The following PARP12 variants were observed in gnomAD, a reference collection of about 807,000 sequenced individuals.
The protein encoded by PARP12 is protein mono-ADP-ribosyltransferase PARP12.
A neutral mutation model predicts 72.4 loss-of-function variants in PARP12; 59 were observed. That is an observed-to-expected ratio of 0.81 (90% confidence interval 0.66 to 1.01). The LOEUF (loss-of-function observed/expected upper bound fraction) is 1.01. PARP12 is among the 50% of genes least tolerant of loss of function. The probability of loss-of-function intolerance (pLI) is 0.00; values close to 1 mark genes in which losing one functional copy is unlikely to be tolerated. For synonymous variants in PARP12, 403 were observed against 371.4 expected (o/e 1.09, Z -0.98); for missense variants, 851 against 914.0 (o/e 0.93, Z 0.89).
At chr7:140,037,595 C>T (rs1238922212) in intron 7 of PARP12, 120 bp downstream of exon 7, 6 of 1,429,482 alleles carry the variant, frequency 4.2e-6, no homozygotes, top group Non-Finnish European at 5.7e-6. Context: ...TGGTACCTTG[C>T]TTTTCTTTCC....
intron 1 of PARP12, among the ~76,000 whole-genome samples, 175 bp downstream of exon 1, chr7:140,062,347 G>A (rs935387165): frequency 6.6e-6 from 1 of 152,158 alleles, no homozygotes; most frequent in Non-Finnish European, 1.5e-5. Context: ...CTCGCACTGT[G>A]CCAGGTACTC....
Position 140,039,127 on chromosome 7 carries a change from T to C in PARP12, c.1183-1271A>G, listed in dbSNP as rs146746084. 6.9e-3 allele frequency among the ~76,000 whole-genome samples: 1,047 copies of C among 152,314 alleles called. 14 individuals carry two copies. Among genetic ancestry groups the C allele is most frequent in the African/African-American group, 0.024 (1,004 of 41,562 alleles). On this transcript the variant is annotated intron_variant, in intron 6 of 11. Transcript: ENST00000263549. Reference sequence around the variant, plus strand: ...AGCAGCCTCCTAGTTTACGGTCTCATAGCGGCGCCTAAGTTTCTCTCTCTG... The same window carrying C: ...AGCAGCCTCCTAGTTTACGGTCTCACAGCGGCGCCTAAGTTTCTCTCTCTG...
At chr7:140,042,105 T>C (rs1352413305) in intron 5 of PARP12, among the ~76,000 whole-genome samples, 1 of 152,178 alleles carries the variant, frequency 6.6e-6, no homozygotes, top group Non-Finnish European at 1.5e-5. Flanking sequence ...TCATTCTTTT[T>C]TAAAATTCAC....
rs971581197 is a variant in PARP12, at chr7:140,034,209, G to A, written c.1421+26C>T. 17 of 1,606,664 alleles carry A rather than the reference G, an allele frequency of 1.1e-5. No individual in the cohort carries two copies. The Admixed American group carries it at 1.3e-4, about 13-fold the overall frequency. On this transcript the variant is annotated intron_variant, in intron 8 of 11. Coordinates refer to ENST00000263549, the MANE Select transcript of PARP12 (RefSeq NM_022750.4). ...CACACCCCAGCTGATTACATCCTAA[G>A]TACCAAGCCCCCCACTGCAACCTAC... is the stretch of plus-strand genomic sequence containing the variant.
intron 8 of PARP12, among the ~76,000 whole-genome samples, chr7:140,032,421 T>C (rs1400215121): frequency 6.6e-6 from 1 of 151,788 alleles, no homozygotes; most frequent in Non-Finnish European, 1.5e-5. Flanking sequence ...AAGCGATCCT[T>C]CCATCTTGGC....
At chr7:140,037,985 A>G in intron 6 of PARP12, 129 bp from the exon 7 acceptor site, 2 of 1,459,992 alleles carry the variant, frequency 1.4e-6, no homozygotes, top group Admixed American at 4.8e-5. Context: ...GATGGAGGCC[A>G]GGGAGCATGG....
intron 5 of PARP12, 69 bp downstream of exon 5, chr7:140,046,799 AGTGTGTGTGTGTGTGT>A (rs3216987): frequency 1.8e-5 from 16 of 868,818 alleles, no homozygotes; most frequent in Admixed American, 1.2e-4. Flanking sequence ...GGCTGCTCAC[AGTGTGTGTGTGTGTGT>A]GTGTGTGTGT....
chr7:140,054,219 C>A lies in PARP12; in HGVS notation c.862+443G>T, dbSNP rs370339644. Among the ~76,000 whole-genome samples, 131 of 152,126 alleles carry A rather than the reference C, an allele frequency of 8.6e-4. 1 individual carries two copies. Among genetic ancestry groups the A allele is most frequent in the African/African-American group, 2.7e-3 (112 of 41,528 alleles). On this transcript the variant is annotated intron_variant, in intron 4 of 11. Coordinates refer to ENST00000263549, the MANE Select transcript of PARP12 (RefSeq NM_022750.4). ...TCACTGGATCAATACAGAAAAAAAA[C>A]CCCAATTTAAACAACTACTCATCCT...
chr7:140,047,477 G>GACAA (rs1478422085), intron 4 of PARP12, among the ~76,000 whole-genome samples: 1 of 152,190 alleles, frequency 6.6e-6, no homozygotes. Context: ...GCAGGCCCTT[G>GACAA]ACAACCTGGA....
chr7:140,041,000 T>C (rs1045934979), intron 6 of PARP12, among the ~76,000 whole-genome samples: 3 of 152,178 alleles, frequency 2.0e-5, no homozygotes, highest in Admixed American at 6.5e-5. Flanking sequence ...ACTCCTGACC[T>C]CAACTGATCT....
intron 8 of PARP12, among the ~76,000 whole-genome samples, chr7:140,031,372 CATAA>C (rs3082658): frequency 3.9e-5 from 6 of 151,930 alleles, no homozygotes; most frequent in African/African-American, 7.3e-5. Flanking sequence ...GACCCTGTCT[CATAA>C]ATAAATAAAT....
At position 140,046,907 on chromosome 7, in the gene PARP12, T is replaced by C. The variant is rs2116613610; in HGVS notation, c.963A>G (p.Ala321=). The part of the protein sequence containing the change: ...DLDNMELIEE[A]YCNPKIERIL... Reference sequence around the variant, plus strand: ...ACCTTTCTATTTTGGGATTGCAATATGCCTCTTCAATAAGTTCCATGTTGT... The same window carrying C: ...ACCTTTCTATTTTGGGATTGCAATACGCCTCTTCAATAAGTTCCATGTTGT... Residue 321 remains alanine, a synonymous_variant, in exon 5 of 12, where the codon GCA becomes GCG. Transcript: ENST00000263549. 1 of 1,614,056 alleles carries C rather than the reference T, an allele frequency of 6.2e-7. No homozygotes were observed. Among genetic ancestry groups the C allele is most frequent in the Non-Finnish European group, 8.5e-7 (1 of 1,179,976 alleles).
chr7:140,057,863 G>C (rs554961709), intron 2 of PARP12, 36 bp downstream of exon 2: 4 of 1,612,744 alleles, frequency 2.5e-6, no homozygotes, highest in East Asian at 4.5e-5. Context: ...AATGTCCCCA[G>C]GGAGCTGTGG....
intron 4 of PARP12, among the ~76,000 whole-genome samples, chr7:140,053,899 G>A (rs572479289): frequency 7.2e-5 from 11 of 152,216 alleles, no homozygotes; most frequent in African/African-American, 1.9e-4. Context: ...ACAACCACAC[G>A]GGAAGTGTTT....
chr7:140,031,453 T>G (rs1394622787), intron 8 of PARP12, among the ~76,000 whole-genome samples: 3 of 152,224 alleles, frequency 2.0e-5, no homozygotes, highest in Admixed American at 1.3e-4. Flanking sequence ...GGACATTACA[T>G]TTTATGACCT....
chr7:140,036,251 T>C (rs1053858282), intron 7 of PARP12, among the ~76,000 whole-genome samples: 9 of 152,222 alleles, frequency 5.9e-5, no homozygotes, highest in Non-Finnish European at 1.2e-4. Context: ...TCTGTTTTGA[T>C]ATTTTCCAGA....
At chr7:140,045,476 G>A (rs1489394173) in intron 5 of PARP12, among the ~76,000 whole-genome samples, 19 of 152,230 alleles carry the variant, frequency 1.2e-4, no homozygotes, top group Middle Eastern at 3.4e-3. Flanking sequence ...TAAGTAATCT[G>A]GCCAAATTTA....
At chr7:140,033,371 C>T in intron 8 of PARP12, 1 of 985,358 alleles carries the variant, frequency 1.0e-6, no homozygotes, top group Non-Finnish European at 1.2e-6. Context: ...CCAAAAGAGA[C>T]ATTGTTGGTT....
chr7:140,056,204 C>CT (rs1281793699), intron 3 of PARP12, among the ~76,000 whole-genome samples: 1 of 152,238 alleles, frequency 6.6e-6, no homozygotes, highest in Non-Finnish European at 1.5e-5. Flanking sequence ...ATAAAAATCT[C>CT]TGTTCAAAAT....
Sources: gnomAD v4.1 joint callset for allele counts (sites outside exome capture counted in the v4.1 genomes callset) on GRCh38, gnomAD v4.1.1 for gene constraint, MANE v1.5 for transcripts, NCBI Gene and HGNC (gene_info 2026-07-23, HGNC 2026-07-21) for gene names.